Variants in FLT1 observed in about 807,000 individuals in gnomAD.
The protein encoded by FLT1 is vascular endothelial growth factor receptor 1.
A neutral mutation model predicts 156.3 loss-of-function variants in FLT1; 49 were observed. The ratio of observed to expected loss-of-function variants is 0.31; its 90% CI spans 0.25 to 0.40. The LOEUF (loss-of-function observed/expected upper bound fraction) is 0.40, where lower values mean the gene tolerates loss of function less well. Among genes scored for constraint, FLT1 ranks in the 10% least tolerant of loss-of-function variants. The pLI, the probability that FLT1 is intolerant of heterozygous loss-of-function variation, is 1.00. For synonymous variants in FLT1, 594 were observed against 583.8 expected, an observed-to-expected ratio of 1.02 and a Z score of -0.25; for missense variants, 1,322 against 1,637.2, an observed-to-expected ratio of 0.81 and a Z score of 3.32.
At chr13:28,380,237 A>G (rs887797799) in intron 14 of FLT1, among the ~76,000 whole-genome samples, 1 of 152,228 alleles carries the variant, frequency 6.6e-6, no homozygotes, top group South Asian at 2.1e-4. Context: ...CAATTGGCGA[A>G]TCAGGGATTA....
chr13:28,327,756 C>CAAAAAAAAA (rs56031277), intron 19 of FLT1, among the ~76,000 whole-genome samples: 18 of 122,762 alleles, frequency 1.5e-4, no homozygotes, highest in East Asian at 2.3e-4. Flanking sequence ...AATTGAAATA[C>CAAAAAAAAA]AAAAAAAAAA....
intron 3 of FLT1, among the ~76,000 whole-genome samples, chr13:28,462,944 C>T (rs1214945473): frequency 1.3e-5 from 2 of 152,172 alleles, no homozygotes; most frequent in African/African-American, 4.8e-5. Context: ...GAAAACCTGA[C>T]CACCTTATTC....
intron 12 of FLT1, among the ~76,000 whole-genome samples, chr13:28,390,742 T>C (rs1376399587): frequency 2.6e-5 from 4 of 152,298 alleles, no homozygotes; most frequent in African/African-American, 9.6e-5. Flanking sequence ...TACTGGCAAG[T>C]GACACTGGCA....
chr13:28,398,602 T>C (rs1050115920), intron 11 of FLT1, among the ~76,000 whole-genome samples: 2 of 152,238 alleles, frequency 1.3e-5, no homozygotes, highest in African/African-American at 4.8e-5. Context: ...TAGTGAGTAG[T>C]ACACAGTGCT....
At chr13:28,469,148 G>A (rs978151497) in intron 1 of FLT1, among the ~76,000 whole-genome samples, 3 of 152,174 alleles carry the variant, frequency 2.0e-5, no homozygotes, top group East Asian at 1.9e-4. Context: ...TTCCTTAGGC[G>A]GGAATAGAAG....
Position 28,334,128 on chromosome 13 carries a change from G to A in FLT1, c.2490C>T (p.Gly830=). 1 of 1,606,328 alleles carries A rather than the reference G, an allele frequency of 6.2e-7. No individual in the cohort carries two copies. Among genetic ancestry groups the A allele is most frequent in the Non-Finnish European group, 8.5e-7 (1 of 1,172,910 alleles). ...CAAAAGCCCCTCTTCCAAGTGATTT[G>A]CCTGTAATGAAGAGAAGACACTGGT... ...WEFARERLKL[G]KSLGRGAFGK... is the part of the protein sequence containing the mutation. Residue 830 remains glycine (G), a splice_region_variant and synonymous_variant, in exon 18 of 30, where the codon GGC becomes GGT. Transcript: ENST00000282397.
Position 28,357,602 on chromosome 13 carries a change from T to A in FLT1, c.2200A>T (p.Thr734Ser), listed in dbSNP as rs1304970832. 1 of 1,614,134 alleles carries A rather than the reference T, an allele frequency of 6.2e-7. No homozygotes were observed. The highest frequency in any genetic ancestry group is 1.7e-5 in the Admixed American group (1 of 60,018). The change falls in exon 15 of 30, where the codon ACC becomes TCC. Residue 734 changes from threonine to serine, a missense_variant. Transcript: ENST00000282397. ...EDEGVYHCKA[T>S]NQKGSVESSA... The stretch of plus-strand genomic sequence containing the variant: ...CTTTCCACAGAGCCCTTCTGGTTGG[T>A]GGCTTTGCAGTGATAGACACCTTCA...
intron 25 of FLT1, among the ~76,000 whole-genome samples, chr13:28,313,867 G>C (rs1409277006): frequency 1.4e-5 from 2 of 140,814 alleles, no homozygotes; most frequent in Non-Finnish European, 3.0e-5. Flanking sequence ...GGCTGCCAAA[G>C]GCAGTAAGAA....
At chr13:28,381,920 A>T (rs894151091) in intron 14 of FLT1, among the ~76,000 whole-genome samples, 1 of 152,208 alleles carries the variant, frequency 6.6e-6, no homozygotes, top group South Asian at 2.1e-4. Context: ...TCATTCATTC[A>T]TGGAACATTT....
intron 13 of FLT1, chr13:28,387,087 C>T (rs778459584): frequency 1.3e-5 from 13 of 1,034,820 alleles, no homozygotes; most frequent in Non-Finnish European, 1.5e-5. Flanking sequence ...GAGAAGAGAA[C>T]ATTTTAACAT....
In FLT1 at chr13:28,467,715, A is replaced by G. The variant is rs1879929350; in HGVS notation, c.65-98T>C. The G allele has an allele frequency of 7.5e-6, 5 of 667,462 alleles. No individual in the cohort carries two copies. The Admixed American group carries it at 1.1e-4, about 15-fold the overall frequency. The allele number at this position is 667,462 out of a possible 1,614,324, so 41.3% of individuals were successfully genotyped here. A position where few individuals can be genotyped will look rare whatever the true frequency, so the allele number is the denominator to read the frequency against. On this transcript the variant is annotated intron_variant, in intron 1 of 29. Transcript: ENST00000282397. ...AAGGTGAGTTTTTCATTTTTAATTT[A>G]TTTACATCTTTAATTTACTTGTATC... is the stretch of plus-strand genomic sequence containing the variant.
At chr13:28,389,636 A>C (rs561495464) in intron 13 of FLT1, 160 bp downstream of exon 13, 609 of 1,484,996 alleles carry the variant, frequency 4.1e-4, no homozygotes, top group Non-Finnish European at 5.3e-4. Flanking sequence ...TCCGAGCCTG[A>C]AAGTTAGCAA....
rs533891466 is a variant in FLT1, at chr13:28,331,534, G to A, written c.2594-1806C>T. 5.3e-5 allele frequency among the ~76,000 whole-genome samples: 8 copies of A among 152,278 alleles called. No individual in the cohort carries two copies. In the South Asian group the frequency reaches 6.2e-4, roughly 12 times the overall value. On this transcript the variant is annotated intron_variant, in intron 18 of 29. Transcript: ENST00000282397. ...CAACCTCCAACTCCTGGGTTCAAGC[G>A]ATTCTCCTGCCTCAGCCTCTCAAGT...
Position 28,321,589 on chromosome 13 carries a change from T to C in FLT1, c.3052-4A>G. ...CTGCCAGGTCCCGATGAATGCACTA[T>C]AATAAAACAGTTGCATAATCAATGC... On this transcript the variant is annotated splice_region_variant and splice_polypyrimidine_tract_variant and intron_variant, in intron 22 of 29. Coordinates refer to ENST00000282397, the MANE Select transcript of FLT1 (RefSeq NM_002019.4). 6.2e-7 allele frequency: 1 copy of C among 1,614,034 alleles called. No homozygotes were observed. The highest frequency in any genetic ancestry group is 8.5e-7 in the Non-Finnish European group (1 of 1,179,884).
intron 12 of FLT1, among the ~76,000 whole-genome samples, chr13:28,392,992 C>A (rs1469894017): frequency 6.6e-6 from 1 of 151,956 alleles, no homozygotes; most frequent in Non-Finnish European, 1.5e-5. Context: ...CTCCTTAATT[C>A]ATGTTGACTT....
intron 16 of FLT1, among the ~76,000 whole-genome samples, chr13:28,343,603 G>A (rs191449210): frequency 7.3e-5 from 11 of 151,538 alleles, no homozygotes; most frequent in Middle Eastern, 6.8e-3. Flanking sequence ...GCCACCACGC[G>A]CGGCCTGCCA....
At chr13:28,317,181 G>A (rs1357612233) in intron 25 of FLT1, among the ~76,000 whole-genome samples, 1 of 152,202 alleles carries the variant, frequency 6.6e-6, no homozygotes, top group Non-Finnish European at 1.5e-5. Flanking sequence ...TTCCTGGGTG[G>A]TCTGTTTGTT....
intron 14 of FLT1, among the ~76,000 whole-genome samples, chr13:28,367,759 C>T (rs1314701996): frequency 6.6e-6 from 1 of 152,298 alleles, no homozygotes; most frequent in East Asian, 1.9e-4. Context: ...ACTAGTCTGA[C>T]CAGCAACTTC....
At chr13:28,453,992 C>CA (rs1472607577) in intron 3 of FLT1, among the ~76,000 whole-genome samples, 2 of 151,842 alleles carry the variant, frequency 1.3e-5, no homozygotes, top group African/African-American at 4.8e-5. Context: ...TAACTTGAGA[C>CA]CTGAAAAGTG....
Sources: gnomAD v4.1 joint callset for allele counts (sites outside exome capture counted in the v4.1 genomes callset) on GRCh38, gnomAD v4.1.1 for gene constraint, MANE v1.5 for transcripts, NCBI Gene and HGNC (gene_info 2026-07-23, HGNC 2026-07-21) for gene names.